The following HCN1 variants were observed in gnomAD, a reference collection of about 807,000 sequenced individuals.
HCN1 encodes hyperpolarization activated cyclic nucleotide gated potassium channel 1.
A neutral mutation model predicts 78.9 loss-of-function variants in HCN1; 13 were observed. That is an observed-to-expected ratio of 0.16 (90% CI 0.11 to 0.26). The LOEUF is 0.26. HCN1 is among the 10% of genes least tolerant of loss of function. The pLI is 1.00. For synonymous variants in HCN1, 552 were observed against 455.5 expected (o/e 1.21, Z -2.70); for missense variants, 810 against 1,154.3 (o/e 0.70, Z 4.32).
At chr5:45,284,033 A>G (rs1267074655) in intron 6 of HCN1, among the ~76,000 whole-genome samples, 1 of 152,198 alleles carries the variant, frequency 6.6e-6, no homozygotes, top group African/African-American at 2.4e-5. Context: ...TAGCAAACTA[A>G]TGCAGGAACT....
At chr5:45,556,928 C>T (rs969747373) in intron 2 of HCN1, among the ~76,000 whole-genome samples, 1 of 151,986 alleles carries the variant, frequency 6.6e-6, no homozygotes, top group Non-Finnish European at 1.5e-5. Flanking sequence ...AAATATCACA[C>T]GTTTAAAGCT....
chr5:45,361,126 C>T (rs1459480834), intron 4 of HCN1, among the ~76,000 whole-genome samples: 1 of 152,148 alleles, frequency 6.6e-6, no homozygotes, highest in Non-Finnish European at 1.5e-5. Flanking sequence ...CTCACTGCAA[C>T]CTCTGCCTCC....
At position 45,649,355 on chromosome 5, in the gene HCN1, C is replaced by T. The variant is rs950054173; in HGVS notation, c.426-3747G>A. Among the ~76,000 whole-genome samples, 3 of 151,932 alleles carry T rather than the reference C, an allele frequency of 2.0e-5. No homozygotes were observed. The East Asian group carries it at 5.8e-4, about 29-fold the overall frequency. The stretch of plus-strand genomic sequence containing the variant: ...TGCCCCTACACATATATAGTCCCTC[C>T]CCATTATCAACATCCCCCACCATAA... On this transcript the variant is annotated intron_variant, in intron 1 of 7. Transcript: ENST00000303230.
chr5:45,405,698 T>C (rs1448593280), intron 3 of HCN1, among the ~76,000 whole-genome samples: 1 of 152,162 alleles, frequency 6.6e-6, no homozygotes, highest in East Asian at 1.9e-4. Context: ...ATAAGACACT[T>C]TGCCCGGCGT....
chr5:45,462,124 G>A (rs1741174552), intron 2 of HCN1, 117 bp from the exon 3 acceptor site: 1 of 761,236 alleles, frequency 1.3e-6, no homozygotes, highest in Admixed American at 2.5e-5. Context: ...TAAAAATATG[G>A]GAATAACTTG....
chr5:45,460,886 G>T (rs1266898405), intron 3 of HCN1, among the ~76,000 whole-genome samples: 1 of 150,392 alleles, frequency 6.6e-6, no homozygotes, highest in Non-Finnish European at 1.5e-5. Flanking sequence ...ACAAAAATAA[G>T]CCAACAAATC....
At chr5:45,533,402 C>T (rs1742899588) in intron 2 of HCN1, among the ~76,000 whole-genome samples, 1 of 152,134 alleles carries the variant, frequency 6.6e-6, no homozygotes, top group South Asian at 2.1e-4. Flanking sequence ...CCTAATAAGG[C>T]CGGTTCATGG....
intron 1 of HCN1, among the ~76,000 whole-genome samples, chr5:45,664,822 G>A (rs1215864723): frequency 6.6e-6 from 1 of 151,912 alleles, no homozygotes; most frequent in African/African-American, 2.4e-5. Context: ...AGGATGTGGA[G>A]AAATAGGAAC....
intron 1 of HCN1, among the ~76,000 whole-genome samples, chr5:45,666,197 GA>G (rs1257175303): frequency 2.6e-5 from 4 of 152,016 alleles, no homozygotes; most frequent in Non-Finnish European, 5.9e-5. Flanking sequence ...CTATTTAGGT[GA>G]AAATGAGGGG....
intron 4 of HCN1, among the ~76,000 whole-genome samples, chr5:45,378,686 A>G (rs146175761): frequency 6.6e-6 from 1 of 152,068 alleles, no homozygotes; most frequent in Non-Finnish European, 1.5e-5. Context: ...GGTTTGTCAC[A>G]TATGTATACA....
At chr5:45,581,321 C>T (rs369935231) in intron 2 of HCN1, among the ~76,000 whole-genome samples, 1 of 150,278 alleles carries the variant, frequency 6.7e-6, no homozygotes, top group East Asian at 2.0e-4. Flanking sequence ...TGTCTTTCGG[C>T]TGAGAAGTGT....
intron 5 of HCN1, among the ~76,000 whole-genome samples, chr5:45,345,419 C>G (rs918784846): frequency 6.6e-6 from 1 of 152,186 alleles, no homozygotes; most frequent in African/African-American, 2.4e-5. Flanking sequence ...AATTTCTCCC[C>G]AGAAAGTGGG....
chr5:45,460,164 C>T (rs901822482), intron 3 of HCN1, among the ~76,000 whole-genome samples: 1 of 152,086 alleles, frequency 6.6e-6, no homozygotes. Context: ...GAAGCTTAAT[C>T]CATATTACAA....
intron 6 of HCN1, among the ~76,000 whole-genome samples, chr5:45,280,216 C>G (rs942212103): frequency 2.6e-5 from 4 of 152,078 alleles, no homozygotes; most frequent in African/African-American, 2.4e-5. Flanking sequence ...TATTTACTTA[C>G]TATTTTGCAT....
intron 3 of HCN1, among the ~76,000 whole-genome samples, chr5:45,448,149 A>G (rs778705605): frequency 5.3e-5 from 8 of 152,018 alleles, no homozygotes; most frequent in Admixed American, 1.3e-4. Flanking sequence ...TTCATACATC[A>G]TTTTCATATT....
intron 2 of HCN1, among the ~76,000 whole-genome samples, chr5:45,548,665 G>A (rs1312982807): frequency 6.6e-6 from 1 of 152,068 alleles, no homozygotes; most frequent in South Asian, 2.1e-4. Flanking sequence ...GCAAGAGAAG[G>A]AAATAAAGGG....
chr5:45,613,662 C>T (rs1744887039), intron 2 of HCN1, among the ~76,000 whole-genome samples: 1 of 151,934 alleles, frequency 6.6e-6, no homozygotes. Flanking sequence ...GACACATGCA[C>T]ACGTATGTTT....
At chr5:45,345,239 C>A (rs1438096399) in intron 5 of HCN1, among the ~76,000 whole-genome samples, 3 of 152,162 alleles carry the variant, frequency 2.0e-5, no homozygotes, top group African/African-American at 7.2e-5. Context: ...ACACAGCAGG[C>A]AGCCTGTGGG....
intron 4 of HCN1, among the ~76,000 whole-genome samples, chr5:45,384,405 A>G (rs1472456803): frequency 6.6e-6 from 1 of 152,168 alleles, no homozygotes; most frequent in Non-Finnish European, 1.5e-5. Context: ...TTAAATTAAT[A>G]AAACTCATGA....
Sources: gnomAD v4.1 joint callset for allele counts (sites outside exome capture counted in the v4.1 genomes callset) on GRCh38, gnomAD v4.1.1 for gene constraint, MANE v1.5 for transcripts, NCBI Gene and HGNC (gene_info 2026-07-23, HGNC 2026-07-21) for gene names.